The following KANSL1 variants were observed in gnomAD, a reference collection of about 807,000 sequenced individuals.
KANSL1 encodes MLL1/MLL complex subunit KANSL1.
KANSL1 carries 22 observed loss-of-function variants against 103.6 expected under a neutral mutation model. The observed-to-expected ratio is 0.21, with a 90% CI of 0.15 to 0.30. KANSL1 has a LOEUF of 0.30. Ranked by LOEUF, KANSL1 falls within the 10% of genes least tolerant of loss-of-function variation. The pLI, the probability that KANSL1 is intolerant of heterozygous loss-of-function variation, is 1.00. For synonymous variants in KANSL1, 600 were observed against 527.6 expected, an observed-to-expected ratio of 1.14 and a Z score of -1.88; for missense variants, 1,337 against 1,399.8, an observed-to-expected ratio of 0.96 and a Z score of 0.72.
chr17:46,062,805 T>C (rs947016150), intron 6 of KANSL1, among the ~76,000 whole-genome samples: 12 of 151,768 alleles, frequency 7.9e-5, no homozygotes, highest in Non-Finnish European at 8.8e-5. Context: ...ATCCCAGCAC[T>C]TTGGGAGGCC....
At position 46,039,229 on chromosome 17, in the gene KANSL1, C is replaced by T. The variant is rs774643084; in HGVS notation, c.2204-14G>A. The T allele has an allele frequency of 1.9e-6, 3 of 1,546,422 alleles. No homozygotes were observed. Among genetic ancestry groups the T allele is most frequent in the Admixed American group, 2.3e-5 (1 of 43,320 alleles). On this transcript the variant is annotated splice_polypyrimidine_tract_variant and intron_variant, in intron 8 of 14. Transcript: ENST00000432791. ...GATGGGACAGCTCTGAAGAGGGGAA[C>T]AGAAAAAGAGCTGTGAAATATGTCC...
At chr17:46,033,355 G>A (rs1292045656) in intron 12 of KANSL1, 48 bp downstream of exon 12, 19 of 1,568,534 alleles carry the variant, frequency 1.2e-5, no homozygotes, top group Non-Finnish European at 1.6e-5. Context: ...ATATGTATGT[G>A]TGCATGTGTA....
At chr17:46,144,527 G>A (rs184649673) in intron 2 of KANSL1, among the ~76,000 whole-genome samples, 203 of 152,274 alleles carry the variant, frequency 1.3e-3, no homozygotes, top group African/African-American at 4.5e-3. Flanking sequence ...GTAAAAGGAC[G>A]TCAGGACAAG....
chr17:46,039,621 T>C (rs934670157), intron 8 of KANSL1, 81 bp downstream of exon 8: 1 of 1,488,446 alleles, frequency 6.7e-7, no homozygotes, highest in Non-Finnish European at 9.1e-7. Flanking sequence ...CCAACATGCA[T>C]GCAAACTACA....
At chr17:46,177,327 C>CAGGAAAAAATGCAA (rs75024813) in intron 1 of KANSL1, among the ~76,000 whole-genome samples, 1 of 152,204 alleles carries the variant, frequency 6.6e-6, no homozygotes, top group Non-Finnish European at 1.5e-5. Flanking sequence ...TTTTAATGCA[C>CAGGAAAAAATGCAA]CTAGTTTGCA....
At chr17:46,072,493 T>C (rs142829115) in intron 4 of KANSL1, among the ~76,000 whole-genome samples, 170 of 152,170 alleles carry the variant, frequency 1.1e-3, no homozygotes, top group African/African-American at 4.0e-3. Context: ...TGGGTTAAAA[T>C]AGTTTTTGAC....
chr17:46,036,724 C>CTT (rs67718920), intron 10 of KANSL1, among the ~76,000 whole-genome samples: 2 of 145,652 alleles, frequency 1.4e-5, no homozygotes, highest in Non-Finnish European at 3.0e-5. Context: ...TATCTTCTTT[C>CTT]TTTTTTTTTT....
intron 6 of KANSL1, among the ~76,000 whole-genome samples, chr17:46,063,483 T>C (rs183087481): frequency 2.0e-5 from 3 of 152,298 alleles, no homozygotes; most frequent in East Asian, 1.9e-4. Flanking sequence ...GAAAGCAACC[T>C]AGACAGAAGG....
intron 1 of KANSL1, among the ~76,000 whole-genome samples, chr17:46,191,396 C>A (rs1000093777): frequency 6.6e-6 from 1 of 152,190 alleles, no homozygotes; most frequent in East Asian, 1.9e-4. Context: ...GAAAAGGAAC[C>A]AAGTAGAGCC....
chr17:46,102,057 G>GT (rs1269293702), intron 2 of KANSL1, among the ~76,000 whole-genome samples: 1 of 152,030 alleles, frequency 6.6e-6, no homozygotes, highest in Non-Finnish European at 1.5e-5. Context: ...AAGATGGAGG[G>GT]GATAAAGCAC....
intron 1 of KANSL1, among the ~76,000 whole-genome samples, chr17:46,187,122 C>A (rs2047072789): frequency 6.6e-6 from 1 of 152,248 alleles, no homozygotes; most frequent in African/African-American, 2.4e-5. Flanking sequence ...CCTTCACACC[C>A]TCTGGTGGAG....
At chr17:46,091,550 C>A (rs1305623925) in intron 3 of KANSL1, among the ~76,000 whole-genome samples, 3 of 152,182 alleles carry the variant, frequency 2.0e-5, no homozygotes, top group Non-Finnish European at 4.4e-5. Context: ...GAGCAACTTC[C>A]AGTCCTGCAA....
intron 1 of KANSL1, among the ~76,000 whole-genome samples, chr17:46,187,979 AT>A (rs2047109389): frequency 6.6e-6 from 1 of 152,236 alleles, no homozygotes; most frequent in South Asian, 2.1e-4. Flanking sequence ...AAAAATATAT[AT>A]TGCAGCTCTT....
Position 46,030,433 on chromosome 17 carries a change from G to T in KANSL1, c.*1043C>A, listed in dbSNP as rs1410068430. On this transcript the variant is annotated 3_prime_UTR_variant, in exon 15 of 15. Coordinates refer to ENST00000432791, the MANE Select transcript of KANSL1 (RefSeq NM_015443.4). ...GGTGATGTGATCATACAGGAGACAG[G>T]CACAAGGTTAACAGAGAAGGGTGAA... The T allele has an allele frequency of 6.6e-6, 1 of 152,022 alleles. No homozygotes were observed. Among genetic ancestry groups the T allele is most frequent in the Non-Finnish European group, 1.5e-5 (1 of 68,018 alleles). 9.4% of individuals were successfully genotyped at this position (152,022 alleles called of 1,614,324 possible).
intron 2 of KANSL1, among the ~76,000 whole-genome samples, chr17:46,117,771 T>C (rs1260862781): frequency 6.6e-6 from 1 of 152,218 alleles, no homozygotes; most frequent in East Asian, 1.9e-4. Context: ...GCATTTTAAT[T>C]ATGCTTTTAA....
At chr17:46,033,312 C>A in intron 12 of KANSL1, 91 bp downstream of exon 12, 1 of 1,462,660 alleles carries the variant, frequency 6.8e-7, no homozygotes, top group Non-Finnish European at 9.5e-7. Context: ...TTCACACCCA[C>A]AAGTCTTCAG....
intron 10 of KANSL1, chr17:46,035,955 G>C (rs1025320622): frequency 1.5e-4 from 22 of 151,570 alleles, no homozygotes; most frequent in Admixed American, 4.6e-4. Context: ...CAGAGATAGA[G>C]AGCAGGTGAT....
At chr17:46,179,922 G>A (rs552676369) in intron 1 of KANSL1, among the ~76,000 whole-genome samples, 1 of 152,058 alleles carries the variant, frequency 6.6e-6, no homozygotes, top group South Asian at 2.1e-4. Flanking sequence ...AAATTAGCCG[G>A]GTGTGGAGGC....
chr17:46,165,909 G>A (rs1467763356), intron 2 of KANSL1, among the ~76,000 whole-genome samples: 6 of 152,118 alleles, frequency 3.9e-5, no homozygotes, highest in African/African-American at 1.4e-4. Flanking sequence ...AACTCCAAGA[G>A]GATAAAATTC....
Sources: gnomAD v4.1 joint callset for allele counts (sites outside exome capture counted in the v4.1 genomes callset) on GRCh38, gnomAD v4.1.1 for gene constraint, MANE v1.5 for transcripts, NCBI Gene and HGNC (gene_info 2026-07-23, HGNC 2026-07-21) for gene names.